The following EPHB1 variants were observed in gnomAD, a reference collection of about 807,000 sequenced individuals.
The protein encoded by EPHB1 is ephrin type-B receptor 1.
In EPHB1, 30 loss-of-function variants were observed where a neutral mutation model predicts 94.4. That is an observed-to-expected ratio of 0.32 (90% CI 0.24 to 0.43). EPHB1 has a LOEUF of 0.43. Ranked by LOEUF, EPHB1 falls within the 20% of genes least tolerant of loss-of-function variation. EPHB1 has a pLI of 1.00. For synonymous variants in EPHB1, 522 were observed against 489.1 expected, an observed-to-expected ratio of 1.07 and a Z score of -0.89; for missense variants, 1,055 against 1,308.3, an observed-to-expected ratio of 0.81 and a Z score of 2.99.
intron 3 of EPHB1, among the ~76,000 whole-genome samples, chr3:135,054,065 AC>A (rs1559811667): frequency 3.3e-5 from 5 of 151,402 alleles, no homozygotes; most frequent in African/African-American, 1.2e-4. Context: ...ACACACACAC[AC>A]ACACATAGCA....
intron 3 of EPHB1, among the ~76,000 whole-genome samples, chr3:135,088,039 T>C (rs1938423093): frequency 6.6e-6 from 1 of 152,096 alleles, no homozygotes; most frequent in African/African-American, 2.4e-5. Flanking sequence ...AGACCATACT[T>C]ATTTTTTTTT....
intron 4 of EPHB1, among the ~76,000 whole-genome samples, chr3:135,114,617 G>A (rs886910523): frequency 4.0e-5 from 6 of 149,462 alleles, no homozygotes; most frequent in South Asian, 2.1e-4. Flanking sequence ...CCAGCTACTC[G>A]GAGGCTGAGG....
chr3:134,883,078 TC>T (rs2037791730), intron 1 of EPHB1, among the ~76,000 whole-genome samples: 1 of 152,090 alleles, frequency 6.6e-6, no homozygotes, highest in South Asian at 2.1e-4. Context: ...TGTCTTGGCC[TC>T]CCAAAGCACT....
At chr3:135,176,513 A>G (rs961368305) in intron 9 of EPHB1, among the ~76,000 whole-genome samples, 2 of 152,228 alleles carry the variant, frequency 1.3e-5, no homozygotes, top group African/African-American at 4.8e-5. Flanking sequence ...CAGCTGTGAC[A>G]TCACATATAT....
At chr3:135,166,856 A>G (rs766465170) in intron 8 of EPHB1, 86 bp from the exon 9 acceptor site, 71 of 1,439,834 alleles carry the variant, frequency 4.9e-5, no homozygotes, top group Middle Eastern at 3.5e-4. Context: ...GTGAGCCCCT[A>G]TCTGGCCTGG....
intron 1 of EPHB1, among the ~76,000 whole-genome samples, chr3:134,807,494 AGT>A (rs151336394): frequency 0.55 from 76,580 of 138,386 alleles, 20,792 homozygotes; most frequent in East Asian, 0.79. Context: ...TTGGGGAAGG[AGT>A]GTGTGTGTGT....
chr3:134,890,533 C>A (rs1259532840), intron 1 of EPHB1, among the ~76,000 whole-genome samples: 1 of 152,200 alleles, frequency 6.6e-6, no homozygotes, highest in African/African-American at 2.4e-5. Context: ...CTGTCTTGGG[C>A]ATATTGCTGG....
chr3:135,020,366 T>C (rs1367854163), intron 3 of EPHB1, among the ~76,000 whole-genome samples: 1 of 152,178 alleles, frequency 6.6e-6, no homozygotes, highest in Admixed American at 6.5e-5. Flanking sequence ...CACAATCAAT[T>C]TTAGAACAGT....
chr3:135,243,018 T>G (rs1367570218), intron 13 of EPHB1, among the ~76,000 whole-genome samples: 1 of 141,858 alleles, frequency 7.0e-6, no homozygotes, highest in East Asian at 2.0e-4. Flanking sequence ...GAGGTTGCAG[T>G]GAGCCAAGAT....
intron 11 of EPHB1, among the ~76,000 whole-genome samples, chr3:135,200,443 A>AC: frequency 6.6e-6 from 1 of 152,236 alleles, no homozygotes; most frequent in South Asian, 2.1e-4. Flanking sequence ...GGTTCCCCTG[A>AC]CCCACTGTCC....
intron 3 of EPHB1, among the ~76,000 whole-genome samples, chr3:135,008,148 A>C (rs1390720244): frequency 1.3e-5 from 2 of 152,230 alleles, no homozygotes; most frequent in African/African-American, 4.8e-5. Flanking sequence ...CATGCAGGGC[A>C]AAGCATCAGC....
At chr3:134,939,135 T>C (rs1007258222) in intron 2 of EPHB1, among the ~76,000 whole-genome samples, 3 of 152,188 alleles carry the variant, frequency 2.0e-5, no homozygotes, top group Admixed American at 6.5e-5. Context: ...AAATATTGCA[T>C]TGGGAAACAA....
At chr3:135,052,890 A>AAT (rs1553726756) in intron 3 of EPHB1, among the ~76,000 whole-genome samples, 8,835 of 53,986 alleles carry the variant, frequency 0.16, 1,075 homozygotes, top group East Asian at 0.24. Flanking sequence ...AAAAAAAAAA[A>AAT]ATATATATAT....
intron 1 of EPHB1, among the ~76,000 whole-genome samples, chr3:134,811,629 T>C (rs1284890932): frequency 6.6e-6 from 1 of 152,036 alleles, no homozygotes; most frequent in East Asian, 1.9e-4. Context: ...TCTGTTCATG[T>C]ACTGAGGCCC....
At chr3:134,882,979 T>C (rs1283818918) in intron 1 of EPHB1, among the ~76,000 whole-genome samples, 1 of 151,892 alleles carries the variant, frequency 6.6e-6, no homozygotes, top group African/African-American at 2.4e-5. Flanking sequence ...CGTGCCACCA[T>C]GTCTGGCTAA....
intron 6 of EPHB1, among the ~76,000 whole-genome samples, chr3:135,161,422 G>T (rs772849645): frequency 6.6e-6 from 1 of 152,204 alleles, no homozygotes; most frequent in African/African-American, 2.4e-5. Flanking sequence ...CAAGGTGAGG[G>T]CAGAAGTAGG....
chr3:134,859,809 T>C lies in EPHB1; in HGVS notation c.58+64120T>C, dbSNP rs555626141. ...TTTTTGACTCCTCTTCCATAAATTG[T>C]ATAAATTTCTAGGTGCATACAAATT... On this transcript the variant is annotated intron_variant, in intron 1 of 15. Transcript: ENST00000398015. Among the ~76,000 whole-genome samples, 177 of 152,370 alleles carry C rather than the reference T, an allele frequency of 1.2e-3. 2 individuals carry two copies. Among genetic ancestry groups the C allele is most frequent in the South Asian group, 7.2e-3 (35 of 4,828 alleles).
intron 9 of EPHB1, among the ~76,000 whole-genome samples, chr3:135,175,806 A>G (rs1432117494): frequency 6.6e-6 from 1 of 152,120 alleles, no homozygotes; most frequent in Non-Finnish European, 1.5e-5. Context: ...CCCAACACTC[A>G]CAAATCTGAG....
At chr3:135,030,275 G>A (rs968435184) in intron 3 of EPHB1, among the ~76,000 whole-genome samples, 5 of 152,186 alleles carry the variant, frequency 3.3e-5, no homozygotes, top group Non-Finnish European at 7.3e-5. Context: ...GAGGAGCTGC[G>A]TTCCTTTGCA....
Sources: allele counts gnomAD v4.1 joint callset (sites outside exome capture counted in the v4.1 genomes callset), GRCh38; gene constraint gnomAD v4.1.1; transcripts MANE v1.5; gene names NCBI Gene and HGNC (gene_info 2026-07-23, HGNC 2026-07-21).